CDH18: variants seen among roughly 807,000 people sequenced by gnomAD.
CDH18 encodes cadherin 18, also known as cadherin-18.
CDH18 carries 31 observed loss-of-function variants against 67.9 expected under a neutral mutation model. The ratio of observed to expected loss-of-function variants is 0.46; its 90% CI spans 0.34 to 0.62. CDH18 has a LOEUF of 0.62. CDH18 is among the 20% of genes least tolerant of loss of function. CDH18 has a pLI of 0.01. For missense variants in CDH18, 890 were observed against 975.5 expected (o/e 0.91, Z 1.17); for synonymous variants, 362 against 347.2 (o/e 1.04, Z -0.48).
intron 2 of CDH18, among the ~76,000 whole-genome samples, chr5:20,041,660 T>C (rs1740430123): frequency 6.6e-6 from 1 of 151,916 alleles, no homozygotes; most frequent in South Asian, 2.1e-4. Flanking sequence ...ATGATCTCGG[T>C]ACTTTTGTAC....
chr5:19,882,920 T>G (rs547027103), intron 2 of CDH18, among the ~76,000 whole-genome samples: 18 of 152,318 alleles, frequency 1.2e-4, no homozygotes, highest in South Asian at 6.2e-4. Flanking sequence ...TTTGTTATCT[T>G]TATAAAATTA....
intron 1 of CDH18, among the ~76,000 whole-genome samples, chr5:19,985,208 G>T (rs993650219): frequency 6.6e-6 from 1 of 151,942 alleles, no homozygotes; most frequent in South Asian, 2.1e-4. Context: ...CTGTGTTAGG[G>T]ATCTAGTAAA....
At position 19,827,595 on chromosome 5, in the gene CDH18, A is replaced by C. The variant is rs539907076; in HGVS notation, c.228+11164T>G. ...ATGAATACTAAGAAAATTGCTCAAA[A>C]TCATACAAAGATGTGGAAAGTAAAC... On this transcript the variant is annotated intron_variant, in intron 3 of 12. Transcript: ENST00000382275. Among the ~76,000 whole-genome samples the C allele has an allele frequency of 4.6e-5, 7 of 152,310 alleles. No individual in the cohort carries two copies. The East Asian group carries it at 1.4e-3, about 29-fold the overall frequency.
intron 5 of CDH18, among the ~76,000 whole-genome samples, chr5:19,643,426 C>G (rs949735675): frequency 1.3e-5 from 2 of 152,050 alleles, no homozygotes; most frequent in African/African-American, 2.4e-5. Context: ...GATAAAGAAA[C>G]CATCTAAATA....
intron 2 of CDH18, among the ~76,000 whole-genome samples, chr5:20,173,505 T>C (rs190481053): frequency 1.4e-3 from 211 of 152,222 alleles, no homozygotes; most frequent in Admixed American, 4.9e-3. Flanking sequence ...TGAGAAAGTC[T>C]GAAGGGGCTA....
chr5:20,342,371 C>A (rs370726343), intron 1 of CDH18, among the ~76,000 whole-genome samples: 1 of 152,118 alleles, frequency 6.6e-6, no homozygotes, highest in Non-Finnish European at 1.5e-5. Flanking sequence ...GGCTTTCCAC[C>A]TTTGTCTGAG....
At chr5:20,438,738 T>C (rs1749369150) in intron 1 of CDH18, among the ~76,000 whole-genome samples, 1 of 151,418 alleles carries the variant, frequency 6.6e-6, no homozygotes, top group Non-Finnish European at 1.5e-5. Context: ...CTTCTATTGC[T>C]CTAGATTGAT....
At chr5:20,134,044 A>G (rs1446291241) in intron 2 of CDH18, among the ~76,000 whole-genome samples, 1 of 152,082 alleles carries the variant, frequency 6.6e-6, no homozygotes, top group African/African-American at 2.4e-5. Flanking sequence ...AGCTTGCTTC[A>G]CTTGAACCTC....
chr5:20,321,726 T>C (rs1003745409), intron 1 of CDH18, among the ~76,000 whole-genome samples: 11 of 152,118 alleles, frequency 7.2e-5, no homozygotes, highest in African/African-American at 2.7e-4. Context: ...CCTTCAGATA[T>C]GTTATTGACA....
chr5:20,289,924 C>G (rs967477869), intron 1 of CDH18, among the ~76,000 whole-genome samples: 1 of 151,934 alleles, frequency 6.6e-6, no homozygotes, highest in Non-Finnish European at 1.5e-5. Flanking sequence ...AACCTAATCG[C>G]TTAGTTTTGT....
intron 12 of CDH18, among the ~76,000 whole-genome samples, chr5:19,475,673 T>C (rs981793386): frequency 6.6e-6 from 1 of 152,076 alleles, no homozygotes; most frequent in African/African-American, 2.4e-5. Context: ...TATTATTCCT[T>C]GTGACATATT....
intron 8 of CDH18, among the ~76,000 whole-genome samples, chr5:19,556,082 C>G (rs932955000): frequency 6.6e-6 from 1 of 152,104 alleles, no homozygotes; most frequent in Non-Finnish European, 1.5e-5. Context: ...GGAAGAACAC[C>G]ACATCAAGGA....
intron 1 of CDH18, among the ~76,000 whole-genome samples, chr5:20,509,774 T>G (rs1019444035): frequency 6.6e-6 from 1 of 152,170 alleles, no homozygotes; most frequent in East Asian, 1.9e-4. Context: ...TACCACATTT[T>G]ATTTATCCAA....
intron 2 of CDH18, among the ~76,000 whole-genome samples, chr5:20,242,484 TC>T (rs1743006755): frequency 6.6e-6 from 1 of 150,738 alleles, no homozygotes; most frequent in South Asian, 2.1e-4. Context: ...TGTCTTCCTG[TC>T]CCTGGCTTAT....
At chr5:20,422,747 A>T (rs979592022) in intron 1 of CDH18, among the ~76,000 whole-genome samples, 3 of 151,222 alleles carry the variant, frequency 2.0e-5, no homozygotes, top group Admixed American at 6.6e-5. Flanking sequence ...AAAAACTAAA[A>T]AGCAACTTCC....
chr5:20,282,203 AT>A (rs1332484459), intron 1 of CDH18, among the ~76,000 whole-genome samples: 2 of 152,046 alleles, frequency 1.3e-5, no homozygotes, highest in African/African-American at 2.4e-5. Flanking sequence ...AATACCCTTT[AT>A]TTCTTTCTCC....
intron 3 of CDH18, among the ~76,000 whole-genome samples, chr5:19,748,062 G>A (rs1425627442): frequency 8.1e-6 from 1 of 123,682 alleles, no homozygotes; most frequent in Admixed American, 1.1e-4. Flanking sequence ...GCAGTGAGCC[G>A]AGATCGCGCC....
chr5:19,956,681 T>C (rs1414728828), intron 2 of CDH18, among the ~76,000 whole-genome samples: 1 of 151,854 alleles, frequency 6.6e-6, no homozygotes, highest in Non-Finnish European at 1.5e-5. Flanking sequence ...ATATAAATAG[T>C]TATTGCCTTC....
chr5:19,949,237 G>A (rs1211148422), intron 2 of CDH18, among the ~76,000 whole-genome samples: 1 of 152,106 alleles, frequency 6.6e-6, no homozygotes, highest in Non-Finnish European at 1.5e-5. Flanking sequence ...GATCTCAGTG[G>A]TGTATTCAGA....
Sources: allele counts gnomAD v4.1 joint callset (sites outside exome capture counted in the v4.1 genomes callset), GRCh38; gene constraint gnomAD v4.1.1; transcripts MANE v1.5; gene names NCBI Gene and HGNC (gene_info 2026-07-23, HGNC 2026-07-21).